Variants in NDE1 observed in about 807,000 individuals in gnomAD.
NDE1 encodes nudE neurodevelopment protein 1.
In NDE1, 28 loss-of-function variants were observed where a neutral mutation model predicts 43.4. The ratio of observed to expected loss-of-function variants is 0.65; its 90% CI spans 0.48 to 0.89. The LOEUF (loss-of-function observed/expected upper bound fraction) is 0.89. NDE1 is among the 40% of genes least tolerant of loss of function. The pLI is 0.00. For synonymous variants in NDE1, 184 were observed against 172.0 expected, an observed-to-expected ratio of 1.07 and a Z score of -0.55; for missense variants, 441 against 434.1, an observed-to-expected ratio of 1.02 and a Z score of -0.14.
In NDE1 at chr16:15,725,712, C is replaced by T. The variant is rs1023176742; in HGVS notation, c.*1461C>T. On this transcript the variant is annotated 3_prime_UTR_variant, in exon 9 of 9. Transcript: ENST00000396354. ...TAATTCTTCCCTCGCCCCTTGGTCC[C>T]TGGCTGTGGACATGTTAAACATTTG... 2.5e-6 allele frequency: 1 copy of T among 398,786 alleles called. No homozygotes were observed. The highest frequency in any genetic ancestry group is 4.4e-5 in the Admixed American group (1 of 22,750). 24.7% of individuals were successfully genotyped at this position (398,786 alleles called of 1,614,324 possible). A position where few individuals can be genotyped will look rare whatever the true frequency, so the allele number is the denominator to read the frequency against.
chr16:15,681,309 A>G (rs1465014886), intron 4 of NDE1, among the ~76,000 whole-genome samples: 6 of 108,634 alleles, frequency 5.5e-5, no homozygotes, highest in Middle Eastern at 0.012. Context: ...TCCATTGCCC[A>G]GAGTAGAGTG....
chr16:15,674,495 T>C (rs1222393277), intron 3 of NDE1, among the ~76,000 whole-genome samples: 1 of 152,056 alleles, frequency 6.6e-6, no homozygotes, highest in East Asian at 1.9e-4. Flanking sequence ...GTGATCCACC[T>C]GCCTCAGCCT....
chr16:15,667,523 G>A (rs1055523278), intron 3 of NDE1, 84 bp downstream of exon 3: 2 of 1,520,926 alleles, frequency 1.3e-6, no homozygotes, highest in African/African-American at 1.4e-5. Context: ...AAGGAACCCT[G>A]CAATGAGGGA....
intron 8 of NDE1, 129 bp downstream of exon 8, chr16:15,696,989 C>T: frequency 6.5e-7 from 1 of 1,538,252 alleles, no homozygotes; most frequent in Non-Finnish European, 8.7e-7. Flanking sequence ...ACCTTATCCT[C>T]TCCTCTGCTC....
intron 4 of NDE1, among the ~76,000 whole-genome samples, chr16:15,683,884 G>A (rs559812304): frequency 4.6e-5 from 7 of 152,072 alleles, no homozygotes; most frequent in South Asian, 2.1e-4. Context: ...AAAACTAGCC[G>A]GCTATGGTAG....
chr16:15,718,209 C>A, intron 8 of NDE1: 2 of 1,572,844 alleles, frequency 1.3e-6, no homozygotes. Context: ...GTCCCTCAAT[C>A]CAGGGCCTGC....
intron 8 of NDE1, among the ~76,000 whole-genome samples, chr16:15,716,255 G>A (rs1293153175): frequency 1.3e-5 from 2 of 152,090 alleles, no homozygotes; most frequent in African/African-American, 4.8e-5. Flanking sequence ...TTGAGCCGAT[G>A]AAAATGTTCT....
rs866838939 is a variant in NDE1 at position 15,724,553 on chromosome 16, C to T, written c.*302C>T. The T allele has an allele frequency of 1.6e-5, 25 of 1,607,862 alleles. No individual in the cohort carries two copies. In the Middle Eastern group the frequency reaches 6.6e-4, roughly 43 times the overall value. On this transcript the variant is annotated 3_prime_UTR_variant, in exon 9 of 9. Coordinates refer to ENST00000396354, the MANE Select transcript of NDE1 (RefSeq NM_017668.3). ...GGGAAGCTGGGGGGTCAAGCACCATCGCACCAACACTCCACCGCGATCTGC... is the reference window on the plus strand; with the variant it reads ...GGGAAGCTGGGGGGTCAAGCACCATTGCACCAACACTCCACCGCGATCTGC...
chr16:15,664,546 G>A lies in NDE1; in HGVS notation c.-43-190G>A, dbSNP rs527451371. 2.1e-3 allele frequency among the ~76,000 whole-genome samples: 325 copies of A among 152,028 alleles called. 2 individuals are homozygous for A. The highest frequency in any genetic ancestry group is 7.5e-3 in the African/African-American group (311 of 41,478). On this transcript the variant is annotated intron_variant, in intron 1 of 8. Transcript: ENST00000396354. Reference sequence around the variant, plus strand: ...TAATTTTTCGTATTTTAGTAGAGACGGGGTTTCACCATGTTAGCTAGGGTG... The same window carrying A: ...TAATTTTTCGTATTTTAGTAGAGACAGGGTTTCACCATGTTAGCTAGGGTG...
chr16:15,653,470 C>T (rs2036602342), intron 1 of NDE1, among the ~76,000 whole-genome samples: 1 of 152,054 alleles, frequency 6.6e-6, no homozygotes, highest in Non-Finnish European at 1.5e-5. Context: ...TCTCTTCCCT[C>T]CTGCTCTTCT....
intron 5 of NDE1, among the ~76,000 whole-genome samples, chr16:15,688,031 C>T (rs2038528490): frequency 6.6e-6 from 1 of 152,038 alleles, no homozygotes; most frequent in East Asian, 1.9e-4. Flanking sequence ...TAAAGATTAG[C>T]TGGGTGTGAT....
At chr16:15,684,997 C>G (rs2038366525) in intron 4 of NDE1, among the ~76,000 whole-genome samples, 1 of 152,178 alleles carries the variant, frequency 6.6e-6, no homozygotes, top group South Asian at 2.1e-4. Context: ...TCAAATCAGT[C>G]CAGTTTATTC....
rs910124902 is a variant in NDE1, at chr16:15,692,004, G to A, written c.703+681G>A. ...GACCAAATACAAAAAAGTAAAAAGC[G>A]TTCTGTGGGTTTAGTAATACATCCA... On this transcript the variant is annotated intron_variant, in intron 6 of 8. Transcript: ENST00000396354. Among the ~76,000 whole-genome samples the A allele has an allele frequency of 3.3e-5, 5 of 152,004 alleles. No individual in the cohort carries two copies. In the East Asian group the frequency reaches 5.8e-4, roughly 18 times the overall value.
At chr16:15,657,828 C>G (rs2036847729) in intron 1 of NDE1, among the ~76,000 whole-genome samples, 1 of 152,100 alleles carries the variant, frequency 6.6e-6, no homozygotes, top group Non-Finnish European at 1.5e-5. Flanking sequence ...TCTCAAACTC[C>G]TGACCTCAAG....
At chr16:15,670,925 C>T (rs542420497) in intron 3 of NDE1, among the ~76,000 whole-genome samples, 4 of 152,188 alleles carry the variant, frequency 2.6e-5, no homozygotes, top group South Asian at 4.1e-4. Flanking sequence ...GTCCCAGACA[C>T]GTTGAAGGTG....
At position 15,676,115 on chromosome 16, in the gene NDE1, C is replaced by T. The variant is rs188427572; in HGVS notation, c.238-1686C>T. Among the ~76,000 whole-genome samples, 12 of 151,888 alleles carry T rather than the reference C, an allele frequency of 7.9e-5. No homozygotes were observed. The East Asian group carries it at 2.1e-3, about 27-fold the overall frequency. On this transcript the variant is annotated intron_variant, in intron 3 of 8. Transcript: ENST00000396354. Reference sequence around the variant, plus strand: ...GATCTCTCTCCCTTTCCTTCCCTCTCCCTCCCTTCCTCTCTCCTCTGTCTC... The same window carrying T: ...GATCTCTCTCCCTTTCCTTCCCTCTTCCTCCCTTCCTCTCTCCTCTGTCTC...
chr16:15,721,731 A>G (rs1266808668), intron 8 of NDE1: 6 of 1,285,904 alleles, frequency 4.7e-6, no homozygotes, highest in South Asian at 1.2e-5. Context: ...TGCTGAATGT[A>G]TTGAGGTGCA....
chr16:15,693,358 C>T (rs2038847320), intron 6 of NDE1, among the ~76,000 whole-genome samples: 1 of 152,156 alleles, frequency 6.6e-6, no homozygotes, highest in African/African-American at 2.4e-5. Flanking sequence ...ATGGACCCCA[C>T]TTGGAGAAGA....
intron 3 of NDE1, among the ~76,000 whole-genome samples, chr16:15,670,462 A>T (rs1049726132): frequency 6.6e-6 from 1 of 152,094 alleles, no homozygotes; most frequent in Admixed American, 6.6e-5. Flanking sequence ...GTTTGAGACC[A>T]GCCTCACCAA....
Sources: gnomAD v4.1 joint callset for allele counts (sites outside exome capture counted in the v4.1 genomes callset) on GRCh38, gnomAD v4.1.1 for gene constraint, MANE v1.5 for transcripts, NCBI Gene and HGNC (gene_info 2026-07-23, HGNC 2026-07-21) for gene names.